The following CCDC93 variants were observed in gnomAD, a reference collection of about 807,000 sequenced individuals.
CCDC93 encodes the protein CCC complex scaffolding subunit CCDC93.
A neutral mutation model predicts 108.2 loss-of-function variants in CCDC93; 61 were observed. The ratio of observed to expected loss-of-function variants is 0.56; its 90% CI spans 0.46 to 0.70. CCDC93 has a LOEUF of 0.70. CCDC93 is among the 30% of genes least tolerant of loss of function. The probability of loss-of-function intolerance (pLI) is 0.00; values close to 1 mark genes in which losing one functional copy is unlikely to be tolerated. For synonymous variants in CCDC93, 276 were observed against 260.4 expected (o/e 1.06, Z -0.58); for missense variants, 685 against 764.2 (o/e 0.90, Z 1.22).
At chr2:117,986,160 CTTTTTTTT>C (rs763304100) in intron 6 of CCDC93, 91 bp from the exon 7 acceptor site, 13 of 276,588 alleles carry the variant, frequency 4.7e-5, no homozygotes, top group East Asian at 2.5e-4. Flanking sequence ...GGTATATTCT[CTTTTTTTT>C]TTTTTTTTTT....
chr2:117,960,193 C>A (rs1679342364), intron 11 of CCDC93, among the ~76,000 whole-genome samples: 1 of 152,202 alleles, frequency 6.6e-6, no homozygotes, highest in South Asian at 2.1e-4. Flanking sequence ...GCTTTACTAG[C>A]CGAATTACAT....
intron 12 of CCDC93, among the ~76,000 whole-genome samples, chr2:117,956,442 G>A (rs1224788436): frequency 2.0e-5 from 3 of 152,194 alleles, no homozygotes; most frequent in Non-Finnish European, 2.9e-5. Flanking sequence ...TAGACAGAAG[G>A]TAGAAGCAAA....
intron 16 of CCDC93, 69 bp from the exon 17 acceptor site, chr2:117,945,651 A>C: frequency 7.3e-7 from 1 of 1,364,848 alleles, no homozygotes; most frequent in South Asian, 1.2e-5. Flanking sequence ...CCAAGGATCT[A>C]GATGTAGGAA....
intron 23 of CCDC93, among the ~76,000 whole-genome samples, chr2:117,930,039 TA>T (rs1678274424): frequency 1.3e-5 from 2 of 152,338 alleles, no homozygotes; most frequent in African/African-American, 4.8e-5. Context: ...AGGGGTATAG[TA>T]GGAGCTGGAA....
At chr2:117,967,762 G>A (rs1679634848) in intron 11 of CCDC93, among the ~76,000 whole-genome samples, 1 of 152,138 alleles carries the variant, frequency 6.6e-6, no homozygotes, top group Admixed American at 6.5e-5. Flanking sequence ...CATTTATAGA[G>A]CACCAACACT....
At chr2:117,960,609 T>C (rs1345656892) in intron 11 of CCDC93, among the ~76,000 whole-genome samples, 2 of 152,210 alleles carry the variant, frequency 1.3e-5, no homozygotes, top group Non-Finnish European at 2.9e-5. Context: ...ATTATGACCT[T>C]CAGACTTCAC....
At position 117,999,100 on chromosome 2, in the gene CCDC93, C is replaced by T. The variant is rs573374764; in HGVS notation, c.363+1721G>A. On this transcript the variant is annotated intron_variant, in intron 4 of 23. Coordinates refer to ENST00000376300, the MANE Select transcript of CCDC93 (RefSeq NM_019044.5). ...ACAACTAACTTAATTCTCATCCTAT[C>T]AGGTAGGTGCTATTATTTATTTCTA... is the stretch of plus-strand genomic sequence containing the variant. The T allele has an allele frequency of 2.0e-5, 3 of 152,292 alleles. No homozygotes were observed. The South Asian group carries it at 6.2e-4, about 32-fold the overall frequency. 9.4% of individuals were successfully genotyped at this position (152,292 alleles called of 1,614,324 possible).
At chr2:117,942,785 G>C (rs372917395) in intron 18 of CCDC93, among the ~76,000 whole-genome samples, 36 of 152,274 alleles carry the variant, frequency 2.4e-4, no homozygotes, top group African/African-American at 8.7e-4. Flanking sequence ...ATACTATTCT[G>C]GGAGTCAGAG....
rs1677820636 is a variant in CCDC93, at chr2:117,920,375, G to C, written c.1864C>G (p.Leu622Val). ...FKEEGRKNEMLLSKVKAKAS is the reference protein window; with the variant it reads ...FKEEGRKNEMVLSKVKAKAS ...GCCTTCGCTTTCACCTTGGACAGCA[G>C]CATCTCGTTCTTGCGGCCCTCCTGG... The change falls in exon 24 of 24, where the codon CTG becomes GTG. Residue 622 changes from leucine to valine, a missense_variant. Physicochemically the swap from Leu to Val is conservative, Grantham distance 32. Transcript: ENST00000376300. 1 of 1,613,120 alleles carries C rather than the reference G, an allele frequency of 6.2e-7. No individual in the cohort carries two copies. The highest frequency in any genetic ancestry group is 1.7e-5 in the Admixed American group (1 of 59,972).
At chr2:117,956,257 T>C (rs973575079) in intron 12 of CCDC93, among the ~76,000 whole-genome samples, 1 of 152,180 alleles carries the variant, frequency 6.6e-6, no homozygotes, top group South Asian at 2.1e-4. Flanking sequence ...GCTTGAAAAA[T>C]GACAGCCTGC....
At position 117,946,901 on chromosome 2, in the gene CCDC93, CT is replaced by C; in HGVS notation, c.1225-20del. 6.3e-7 allele frequency: 1 copy of C among 1,581,548 alleles called. No homozygotes were observed. Among genetic ancestry groups the C allele is most frequent in the Non-Finnish European group, 8.7e-7 (1 of 1,150,492 alleles). ...TCTCCTCCTTTAAAAGTGACATGAACTTTTACAAAATTCAGACAAGGAGTAA... is the reference window on the plus strand; with the variant it reads ...TCTCCTCCTTTAAAAGTGACATGAACTTTACAAAATTCAGACAAGGAGTAA... On this transcript the variant is annotated intron_variant, in intron 15 of 23. Transcript: ENST00000376300.
At chr2:118,003,234 G>T (rs574632251) in intron 3 of CCDC93, among the ~76,000 whole-genome samples, 13 of 152,306 alleles carry the variant, frequency 8.5e-5, no homozygotes, top group African/African-American at 3.1e-4. Flanking sequence ...GGATAGCTTG[G>T]TAGTGAAGCA....
intron 11 of CCDC93, among the ~76,000 whole-genome samples, chr2:117,961,589 CAATCTA>C (rs1679393264): frequency 6.6e-6 from 1 of 152,110 alleles, no homozygotes; most frequent in Admixed American, 6.5e-5. Flanking sequence ...TTTTATTAAG[CAATCTA>C]AATTTTTTGT....
chr2:117,922,939 T>C (rs1337051022), intron 23 of CCDC93, among the ~76,000 whole-genome samples: 4 of 151,794 alleles, frequency 2.6e-5, no homozygotes, highest in African/African-American at 9.7e-5. Context: ...CAAAAGAGCT[T>C]GTGGGAGAAA....
Position 117,953,141 on chromosome 2 carries a change from C to A in CCDC93, c.1006-706G>T, listed in dbSNP as rs189595687. ...TTTAAGAAGGATACAAGGCAGAAAA[C>A]CACCTTCAAACTTGTTATTAACTGG... On this transcript the variant is annotated intron_variant, in intron 12 of 23. Coordinates refer to ENST00000376300, the MANE Select transcript of CCDC93 (RefSeq NM_019044.5). 8.1e-4 allele frequency among the ~76,000 whole-genome samples: 123 copies of A among 152,268 alleles called. 2 individuals carry two copies. In the East Asian group the frequency reaches 0.021, roughly 26 times the overall value.
chr2:117,927,857 C>G (rs1250264689), intron 23 of CCDC93, among the ~76,000 whole-genome samples: 1 of 152,174 alleles, frequency 6.6e-6, no homozygotes, highest in Non-Finnish European at 1.5e-5. Flanking sequence ...TGACTTCAAA[C>G]TATACTACAA....
intron 7 of CCDC93, among the ~76,000 whole-genome samples, chr2:117,982,147 C>T (rs556375700): frequency 8.6e-6 from 1 of 116,652 alleles, no homozygotes; most frequent in African/African-American, 3.3e-5. Flanking sequence ...CTTTGAGTTG[C>T]CTAGAATGAC....
chr2:117,944,266 CTCATA>C (rs1678798949), intron 17 of CCDC93, among the ~76,000 whole-genome samples, 180 bp from the exon 18 acceptor site: 1 of 152,208 alleles, frequency 6.6e-6, no homozygotes, highest in South Asian at 2.1e-4. Context: ...TTGATACCCT[CTCATA>C]TCATGTTATA....
intron 11 of CCDC93, 124 bp from the exon 12 acceptor site, chr2:117,958,605 TAC>T: frequency 1.5e-6 from 1 of 677,830 alleles, no homozygotes; most frequent in Non-Finnish European, 2.7e-6. Flanking sequence ...CCAGGGCATT[TAC>T]AGAGGCCTGT....
Sources: gnomAD v4.1 joint callset for allele counts (sites outside exome capture counted in the v4.1 genomes callset) on GRCh38, gnomAD v4.1.1 for gene constraint, MANE v1.5 for transcripts, NCBI Gene and HGNC (gene_info 2026-07-23, HGNC 2026-07-21) for gene names.